The following BAZ2B variants were observed in gnomAD, a reference collection of about 807,000 sequenced individuals.
The protein encoded by BAZ2B is bromodomain adjacent to zinc finger domain 2B, also known as bromodomain adjacent to zinc finger domain protein 2B.
BAZ2B carries 91 observed loss-of-function variants against 246.0 expected under a neutral mutation model. The ratio of observed to expected loss-of-function variants is 0.37; its 90% CI spans 0.31 to 0.44. The LOEUF is 0.44. BAZ2B is among the 20% of genes least tolerant of loss of function. BAZ2B has a pLI of 1.00. For synonymous variants in BAZ2B, 855 were observed against 860.0 expected, an observed-to-expected ratio of 0.99 and a Z score of 0.10; for missense variants, 2,332 against 2,533.7, an observed-to-expected ratio of 0.92 and a Z score of 1.71.
At chr2:159,337,367 A>G in intron 32 of BAZ2B, 200 bp downstream of exon 32, 1 of 1,331,012 alleles carries the variant, frequency 7.5e-7, no homozygotes, top group Non-Finnish European at 1.0e-6. Context: ...TGGATCACAG[A>G]CATACAAGAA....
chr2:159,423,740 T>C (rs550388576), intron 13 of BAZ2B, among the ~76,000 whole-genome samples: 1 of 152,344 alleles, frequency 6.6e-6, no homozygotes, highest in Non-Finnish European at 1.5e-5. Flanking sequence ...ATGGAAGCCA[T>C]CACCTAAGTG....
chr2:159,558,440 A>C (rs1489026126), intron 1 of BAZ2B, among the ~76,000 whole-genome samples: 3 of 151,924 alleles, frequency 2.0e-5, no homozygotes, highest in Non-Finnish European at 4.4e-5. Context: ...TTGTATTTTT[A>C]GTAGAGACGG....
chr2:159,695,179 G>C, the BAZ2B span: 1 of 152,084 alleles, frequency 6.6e-6, no homozygotes, highest in Non-Finnish European at 1.5e-5. Flanking sequence ...TTACAATAAT[G>C]ATTGTAAGCT....
intron 34 of BAZ2B, among the ~76,000 whole-genome samples, chr2:159,327,053 A>ACCT (rs745853789): frequency 8.9e-5 from 5 of 56,140 alleles, no homozygotes; most frequent in Non-Finnish European, 2.1e-4. Flanking sequence ...GTTGGCTGCA[A>ACCT]TCTTTTTTTT....
chr2:159,346,334 A>G (rs1014756814), intron 31 of BAZ2B, among the ~76,000 whole-genome samples: 4 of 152,246 alleles, frequency 2.6e-5, no homozygotes, highest in Admixed American at 2.6e-4. Context: ...ATTATGCCAT[A>G]AATTTCTCAT....
In BAZ2B at chr2:159,395,769, T is replaced by G; in HGVS notation, c.3075A>C (p.Glu1025Asp). ...MKAMEARKKA[E>D]EKERLKQEKR... ...TATTTTTCTAGAAACATACACTTAC[T>G]TCTGCTTTTTTACGAGCTTCCATAG... The change falls in exon 20 of 37, where the codon GAA (glutamate) becomes GAC (aspartate). Residue 1025 changes from glutamate to aspartate, a missense_variant and splice_region_variant. Transcript: ENST00000392783. The G allele has an allele frequency of 6.2e-7, 1 of 1,607,780 alleles. No homozygotes were observed. The highest frequency in any genetic ancestry group is 1.1e-5 in the South Asian group (1 of 90,588).
chr2:159,441,906 C>A (rs1200677873), intron 6 of BAZ2B, among the ~76,000 whole-genome samples: 3 of 152,312 alleles, frequency 2.0e-5, no homozygotes, highest in African/African-American at 7.2e-5. Context: ...TATCCTTGAA[C>A]CTTCATTTCA....
chr2:159,701,396 T>C, the BAZ2B span, among the ~76,000 whole-genome samples: 2 of 151,890 alleles, frequency 1.3e-5, no homozygotes, highest in Non-Finnish European at 2.9e-5. Flanking sequence ...TGATTTTTAA[T>C]AGGAGTATAT....
At chr2:159,690,025 G>C in the BAZ2B span, 1 of 414,436 alleles carries the variant, frequency 2.4e-6, no homozygotes, top group African/African-American at 2.1e-5. Context: ...CCATGACATG[G>C]AAGTTGGGCA....
intron 25 of BAZ2B, among the ~76,000 whole-genome samples, chr2:159,380,202 A>G (rs1036848597): frequency 6.6e-6 from 1 of 152,134 alleles, no homozygotes; most frequent in Non-Finnish European, 1.5e-5. Context: ...ATCAAAAATC[A>G]TCTCGTCTTT....
chr2:159,328,528 T>G (rs1343340650), intron 34 of BAZ2B, among the ~76,000 whole-genome samples: 1 of 152,168 alleles, frequency 6.6e-6, no homozygotes, highest in African/African-American at 2.4e-5. Context: ...TGACTTCCCT[T>G]GAAATATTAG....
the BAZ2B span, among the ~76,000 whole-genome samples, chr2:159,634,051 G>C: frequency 7.9e-5 from 12 of 152,144 alleles, no homozygotes; most frequent in African/African-American, 2.6e-4. Context: ...TATTTTCACT[G>C]TATTCTAAAA....
At chr2:159,668,959 G>C in the BAZ2B span, among the ~76,000 whole-genome samples, 2 of 152,064 alleles carry the variant, frequency 1.3e-5, no homozygotes, top group African/African-American at 4.8e-5. Flanking sequence ...GGGAGGCTGA[G>C]GCAGGAGAAT....
At chr2:159,641,408 G>T in the BAZ2B span, among the ~76,000 whole-genome samples, 1 of 152,052 alleles carries the variant, frequency 6.6e-6, no homozygotes, top group Non-Finnish European at 1.5e-5. Flanking sequence ...GCTTTTTAGT[G>T]GGTTTTCTTT....
chr2:159,549,791 G>T (rs1324524511), intron 2 of BAZ2B, among the ~76,000 whole-genome samples: 15 of 140,454 alleles, frequency 1.1e-4, no homozygotes, highest in African/African-American at 3.9e-4. Flanking sequence ...AAAAAAAAAA[G>T]ACATTTTCAC....
chr2:159,372,436 T>C (rs2060951348), intron 27 of BAZ2B, among the ~76,000 whole-genome samples: 2 of 152,200 alleles, frequency 1.3e-5, no homozygotes, highest in Admixed American at 1.3e-4. Context: ...AAAAGTTAAA[T>C]TCGAGAAGGT....
At chr2:159,603,665 T>C (rs1692717252) in intron 1 of BAZ2B, among the ~76,000 whole-genome samples, 1 of 149,558 alleles carries the variant, frequency 6.7e-6, no homozygotes, top group Admixed American at 6.7e-5. Flanking sequence ...CTTTTCCTCC[T>C]CCTTACAAAA....
rs544819272 is a variant in BAZ2B at position 159,554,513 on chromosome 2, C to T, written c.-3+1310G>A. On this transcript the variant is annotated intron_variant, in intron 2 of 36. Transcript: ENST00000392783. ...AAAATATGCTATAAGCATTAGTAGACAAAATTATGATGATAAAGCCTTTAA... is the reference window on the plus strand; with the variant it reads ...AAAATATGCTATAAGCATTAGTAGATAAAATTATGATGATAAAGCCTTTAA... Among the ~76,000 whole-genome samples, 24 of 151,624 alleles carry T rather than the reference C, an allele frequency of 1.6e-4. No individual in the cohort carries two copies. The South Asian group carries it at 4.8e-3, about 30-fold the overall frequency.
intron 6 of BAZ2B, among the ~76,000 whole-genome samples, chr2:159,441,296 T>C (rs747198715): frequency 1.3e-5 from 2 of 152,202 alleles, no homozygotes; most frequent in Non-Finnish European, 2.9e-5. Flanking sequence ...ATGGGGACTA[T>C]ACTCCCCAGG....
Sources: gnomAD v4.1 joint callset for allele counts (sites outside exome capture counted in the v4.1 genomes callset) on GRCh38, gnomAD v4.1.1 for gene constraint, MANE v1.5 for transcripts, NCBI Gene and HGNC (gene_info 2026-07-23, HGNC 2026-07-21) for gene names.